KCNJ6: variants seen among roughly 807,000 people sequenced by gnomAD.
KCNJ6 encodes the protein potassium inwardly rectifying channel subfamily J member 6, also known as G protein-activated inward rectifier potassium channel 2.
In KCNJ6, 9 loss-of-function variants were observed where a neutral mutation model predicts 34.2. That is an observed-to-expected ratio of 0.26 (90% confidence interval 0.16 to 0.46). KCNJ6 has a LOEUF of 0.46. Among genes scored for constraint, KCNJ6 ranks in the 20% least tolerant of loss-of-function variants. The pLI is 1.00. For synonymous variants in KCNJ6, 196 were observed against 207.1 expected, an observed-to-expected ratio of 0.95 and a Z score of 0.46; for missense variants, 236 against 531.3, an observed-to-expected ratio of 0.44 and a Z score of 5.46.
intron 2 of KCNJ6, among the ~76,000 whole-genome samples, chr21:37,829,757 G>A (rs2055416220): frequency 6.6e-6 from 1 of 152,230 alleles, no homozygotes; most frequent in Non-Finnish European, 1.5e-5. Flanking sequence ...GGAAGACACT[G>A]GAGTGAAATG....
chr21:37,808,846 T>C (rs2055306841), intron 2 of KCNJ6, among the ~76,000 whole-genome samples: 1 of 152,202 alleles, frequency 6.6e-6, no homozygotes, highest in South Asian at 2.1e-4. Flanking sequence ...CTCTCTCTCT[T>C]CTTTGTTAGT....
At chr21:37,798,957 AG>A in intron 2 of KCNJ6, among the ~76,000 whole-genome samples, 1 of 152,184 alleles carries the variant, frequency 6.6e-6, no homozygotes, top group East Asian at 1.9e-4. Flanking sequence ...ACACATGTGC[AG>A]GTTTGTTATA....
At chr21:37,829,787 A>G (rs1297411872) in intron 2 of KCNJ6, among the ~76,000 whole-genome samples, 1 of 152,232 alleles carries the variant, frequency 6.6e-6, no homozygotes, top group Non-Finnish European at 1.5e-5. Context: ...GGCTTTGCCC[A>G]CGCAGGGGTG....
intron 2 of KCNJ6, among the ~76,000 whole-genome samples, chr21:37,793,451 C>T (rs1224272130): frequency 6.8e-6 from 1 of 146,976 alleles, no homozygotes; most frequent in Non-Finnish European, 1.5e-5. Flanking sequence ...CACATCTGTT[C>T]TGGATCAAAA....
At chr21:37,831,470 A>G (rs2055425554) in intron 2 of KCNJ6, among the ~76,000 whole-genome samples, 1 of 152,204 alleles carries the variant, frequency 6.6e-6, no homozygotes, top group Non-Finnish European at 1.5e-5. Flanking sequence ...GCAATGAATA[A>G]CAAAAGAGAG....
In KCNJ6 at chr21:37,707,120, G is replaced by C. The variant is rs2054724265; in HGVS notation, c.946+7091C>G. On this transcript the variant is annotated intron_variant, in intron 3 of 3. Transcript: ENST00000609713. The stretch of plus-strand genomic sequence containing the variant: ...TGTCATTCATGGCAGTACCCGGGCA[G>C]AGGCCAGGCTGGCTTTTACCCTTGC... Among the ~76,000 whole-genome samples the C allele has an allele frequency of 2.3e-5, 3 of 130,360 alleles. No homozygotes were observed. In the South Asian group the frequency reaches 7.5e-4, roughly 33 times the overall value. The allele number at this position is 130,360 out of a possible 152,430, so 85.5% of individuals were successfully genotyped here. A position where few individuals can be genotyped will look rare whatever the true frequency, so the allele number is the denominator to read the frequency against.
rs2054286318 is a variant in KCNJ6, at chr21:37,620,346, A to G, written c.*4813T>C. On this transcript the variant is annotated 3_prime_UTR_variant, in exon 4 of 4. Coordinates refer to ENST00000609713, the MANE Select transcript of KCNJ6 (RefSeq NM_002240.5). ...CAGCTCTGTGAGTGCATGTGGAAGC[A>G]GCCATAGGCAATACACAGACAAATG... The G allele has an allele frequency of 6.6e-6, 1 of 152,230 alleles. No homozygotes were observed. The highest frequency in any genetic ancestry group is 6.5e-5 in the Admixed American group (1 of 15,290). 9.4% of individuals were successfully genotyped at this position (152,230 alleles called of 1,614,324 possible).
rs1389706743 is a variant in KCNJ6 at position 37,614,548 on chromosome 21, G to A, written c.*10611C>T. The A allele has an allele frequency of 6.9e-6, 1 of 145,984 alleles. No individual in the cohort carries two copies. Among genetic ancestry groups the A allele is most frequent in the African/African-American group, 2.5e-5 (1 of 39,844 alleles). The allele number at this position is 145,984 out of a possible 1,614,324, so 9.0% of individuals were successfully genotyped here. A position where few individuals can be genotyped will look rare whatever the true frequency, so the allele number is the denominator to read the frequency against. The stretch of plus-strand genomic sequence containing the variant: ...TGTATGCATGTCTCTGTGTATGCGT[G>A]TGTGTGTATGCGTGTGTGTATGCAT... On this transcript the variant is annotated 3_prime_UTR_variant, in exon 4 of 4. Coordinates refer to ENST00000609713, the MANE Select transcript of KCNJ6 (RefSeq NM_002240.5).
intron 3 of KCNJ6, among the ~76,000 whole-genome samples, chr21:37,644,219 T>TGGTGGAGGGCAGAG (rs2054393683): frequency 6.6e-6 from 1 of 152,156 alleles, no homozygotes; most frequent in South Asian, 2.1e-4. Context: ...CACTGGGGCC[T>TGGTGGAGGGCAGAG]GGTGGAGGGC....
intron 1 of KCNJ6, among the ~76,000 whole-genome samples, chr21:37,909,867 C>T (rs1199825720): frequency 1.3e-5 from 2 of 152,190 alleles, no homozygotes; most frequent in African/African-American, 4.8e-5. Flanking sequence ...GATTAGATGT[C>T]TCTACCTGTT....
chr21:37,646,905 C>G (rs1436113452), intron 3 of KCNJ6, among the ~76,000 whole-genome samples: 3 of 152,064 alleles, frequency 2.0e-5, no homozygotes, highest in Non-Finnish European at 2.9e-5. Context: ...CATCTCCTGA[C>G]CTCGTGATCC....
rs1439034597 is a variant in KCNJ6, at chr21:37,916,436, G to C, written c.-580C>G. On this transcript the variant is annotated 5_prime_UTR_variant, in exon 1 of 4. Coordinates refer to ENST00000609713, the MANE Select transcript of KCNJ6 (RefSeq NM_002240.5). ...GAGCCCCGCTGGCAGCGCACGAAGC[G>C]ACGCGGCTCCGAGATAAAAGCGAGT... is the stretch of plus-strand genomic sequence containing the variant. 6.6e-6 allele frequency: 1 copy of C among 152,162 alleles called. No individual in the cohort carries two copies. Among genetic ancestry groups the C allele is most frequent in the Non-Finnish European group, 1.5e-5 (1 of 68,058 alleles). The allele number at this position is 152,162 out of a possible 1,614,324, so 9.4% of individuals were successfully genotyped here.
At position 37,612,464 on chromosome 21, in the gene KCNJ6, C is replaced by A. The variant is rs934740665; in HGVS notation, c.*12695G>T. The A allele has an allele frequency of 6.6e-6, 1 of 152,148 alleles. No individual in the cohort carries two copies. Among genetic ancestry groups the A allele is most frequent in the African/African-American group, 2.4e-5 (1 of 41,426 alleles). The allele number at this position is 152,148 out of a possible 1,614,324, so 9.4% of individuals were successfully genotyped here. On this transcript the variant is annotated 3_prime_UTR_variant, in exon 4 of 4. Transcript: ENST00000609713. Reference sequence around the variant, plus strand: ...GATTAAATACAATCCCAATAAAAATCTCAGCAAGTTATTTTGTTGGTACCA... The same window carrying A: ...GATTAAATACAATCCCAATAAAAATATCAGCAAGTTATTTTGTTGGTACCA...
At chr21:37,752,786 T>A (rs961190797) in intron 2 of KCNJ6, among the ~76,000 whole-genome samples, 1 of 152,126 alleles carries the variant, frequency 6.6e-6, no homozygotes, top group African/African-American at 2.4e-5. Flanking sequence ...ACTTCTTGGG[T>A]CCCAGAGCCA....
At chr21:37,674,033 C>G (rs2054553457) in intron 3 of KCNJ6, among the ~76,000 whole-genome samples, 1 of 152,202 alleles carries the variant, frequency 6.6e-6, no homozygotes. Context: ...AGTCTAACTG[C>G]CCTCTAGCCA....
intron 2 of KCNJ6, among the ~76,000 whole-genome samples, chr21:37,761,086 G>C (rs2055058836): frequency 6.6e-6 from 1 of 152,140 alleles, no homozygotes; most frequent in African/African-American, 2.4e-5. Flanking sequence ...TTAGAGTAAG[G>C]GCCAATGGTG....
chr21:37,893,752 T>C (rs901782865), intron 1 of KCNJ6, among the ~76,000 whole-genome samples: 1 of 152,218 alleles, frequency 6.6e-6, no homozygotes, highest in Non-Finnish European at 1.5e-5. Flanking sequence ...GACATTTCTT[T>C]GATCCTTCCA....
At chr21:37,793,796 A>G (rs2055228600) in intron 2 of KCNJ6, among the ~76,000 whole-genome samples, 1 of 152,220 alleles carries the variant, frequency 6.6e-6, no homozygotes, top group South Asian at 2.1e-4. Flanking sequence ...GATCTTACAC[A>G]CATGGACACA....
chr21:37,795,228 T>C (rs2055235486), intron 2 of KCNJ6, among the ~76,000 whole-genome samples: 1 of 152,150 alleles, frequency 6.6e-6, no homozygotes, highest in African/African-American at 2.4e-5. Context: ...AACCAAATTG[T>C]TGGCGCAGAT....
Sources: gnomAD v4.1 joint callset for allele counts (sites outside exome capture counted in the v4.1 genomes callset) on GRCh38, gnomAD v4.1.1 for gene constraint, MANE v1.5 for transcripts, NCBI Gene and HGNC (gene_info 2026-07-23, HGNC 2026-07-21) for gene names.